TRIO: variants seen among roughly 807,000 people sequenced by gnomAD.
TRIO encodes trio Rho guanine nucleotide exchange factor.
TRIO carries 58 observed loss-of-function variants against 351.9 expected under a neutral mutation model. The observed-to-expected ratio is 0.16, with a 90% confidence interval of 0.13 to 0.21. The LOEUF (loss-of-function observed/expected upper bound fraction) is 0.21, where lower values mean the gene tolerates loss of function less well. Among genes scored for constraint, TRIO ranks in the 10% least tolerant of loss-of-function variants. TRIO has a pLI of 1.00. For synonymous variants in TRIO, 1,758 were observed against 1,595.7 expected (o/e 1.10, Z -2.42); for missense variants, 3,201 against 4,027.8 (o/e 0.79, Z 5.56).
At chr5:14,447,432 G>T (rs1752520943) in intron 34 of TRIO, among the ~76,000 whole-genome samples, 1 of 152,012 alleles carries the variant, frequency 6.6e-6, no homozygotes, top group African/African-American at 2.4e-5. Context: ...TCTGAATCTG[G>T]TATAAATTTT....
intron 11 of TRIO, among the ~76,000 whole-genome samples, chr5:14,339,399 A>G (rs147765309): frequency 7.2e-5 from 11 of 152,346 alleles, no homozygotes; most frequent in African/African-American, 2.6e-4. Flanking sequence ...GTAAAAATAC[A>G]TTTTGTTTTC....
chr5:14,161,032 T>C (rs964559802), intron 1 of TRIO, among the ~76,000 whole-genome samples: 3 of 152,140 alleles, frequency 2.0e-5, no homozygotes, highest in African/African-American at 7.2e-5. Context: ...TGCCTTAGTC[T>C]CCTTGTAACT....
chr5:14,503,225 A>G (rs1167747664), intron 54 of TRIO, among the ~76,000 whole-genome samples: 1 of 152,250 alleles, frequency 6.6e-6, no homozygotes, highest in Non-Finnish European at 1.5e-5. Context: ...TGTGGCAGGA[A>G]GAGCAAGGTC....
chr5:14,150,065 T>A (rs1787737848), intron 1 of TRIO, among the ~76,000 whole-genome samples: 1 of 152,218 alleles, frequency 6.6e-6, no homozygotes, highest in Admixed American at 6.5e-5. Flanking sequence ...CTGGTGCTGC[T>A]CCATTACTGG....
At chr5:14,486,417 C>G (rs1755919840) in intron 47 of TRIO, among the ~76,000 whole-genome samples, 1 of 152,220 alleles carries the variant, frequency 6.6e-6, no homozygotes, top group African/African-American at 2.4e-5. Context: ...TGGGTGTTAA[C>G]TCCAAGTTTC....
intron 1 of TRIO, among the ~76,000 whole-genome samples, chr5:14,228,227 C>A (rs1029914396): frequency 2.0e-5 from 3 of 152,228 alleles, no homozygotes; most frequent in Non-Finnish European, 2.9e-5. Context: ...CAGTGTTCCA[C>A]ACCTGGAGCT....
At chr5:14,483,764 G>C (rs1279181920) in intron 46 of TRIO, among the ~76,000 whole-genome samples, 1 of 152,132 alleles carries the variant, frequency 6.6e-6, no homozygotes, top group Non-Finnish European at 1.5e-5. Context: ...CCACCCGCCT[G>C]CCCCTCCAGA....
intron 1 of TRIO, among the ~76,000 whole-genome samples, chr5:14,159,322 A>G (rs1199942943): frequency 5.9e-5 from 1 of 17,016 alleles, no homozygotes; most frequent in Non-Finnish European, 1.0e-4. Context: ...AATCGCAGTC[A>G]AAAAAAAAAA....
At chr5:14,318,544 G>T (rs925874812) in intron 9 of TRIO, among the ~76,000 whole-genome samples, 1 of 150,886 alleles carries the variant, frequency 6.6e-6, no homozygotes, top group Non-Finnish European at 1.5e-5. Flanking sequence ...TGAGTTCTCT[G>T]AAGGTTACAT....
chr5:14,482,562 C>T lies in TRIO; in HGVS notation c.6466-20C>T. On this transcript the variant is annotated intron_variant, in intron 45 of 56. Transcript: ENST00000344204. ...TGTTTTCTTCTCCCCTTCCTTTTCC[C>T]CCTTTATTTCTTGTTTTAGGGGAAA... is the stretch of plus-strand genomic sequence containing the variant. The T allele has an allele frequency of 7.0e-7, 1 of 1,420,750 alleles. No homozygotes were observed. 88.0% of individuals were successfully genotyped at this position (1,420,750 alleles called of 1,614,324 possible).
Position 14,337,733 on chromosome 5 carries a change from G to T in TRIO, c.2046+1006G>T, listed in dbSNP as rs557245876. On this transcript the variant is annotated intron_variant, in intron 11 of 56. Coordinates refer to ENST00000344204, the MANE Select transcript of TRIO (RefSeq NM_007118.4). ...CCAGCTCTGAGATCTTGGACAGTTA[G>T]TCCTCAGTCGGGTCATTTGTTGCTG... 5.9e-5 allele frequency among the ~76,000 whole-genome samples: 9 copies of T among 152,310 alleles called. No individual in the cohort carries two copies. The South Asian group carries it at 1.9e-3, about 32-fold the overall frequency.
rs748080841 is a variant in TRIO at position 14,488,091 on chromosome 5, C to T, written c.7463C>T (p.Ser2488Phe). 2 of 1,604,418 alleles carry T rather than the reference C, an allele frequency of 1.2e-6. No homozygotes were observed. The highest frequency in any genetic ancestry group is 1.7e-4 in the Middle Eastern group (1 of 5,922). Residue 2488 changes from serine to phenylalanine, a missense_variant, in exon 48 of 57, where the codon TCC becomes TTC. This residue lies in a region of TRIO where 1,089 missense variants were observed against 954.9 expected (regional missense o/e 1.14). Coordinates refer to ENST00000344204, the MANE Select transcript of TRIO (RefSeq NM_007118.4). ...CAGAAGGGGGGCTCCTTCTGGAGCT[C>T]CATCCCCGCCTCCCCCGCCAGCCGA... is the stretch of plus-strand genomic sequence containing the variant. ...PLQKGGSFWS[S>F]IPASPASRPG...
chr5:14,286,818 G>C lies in TRIO; in HGVS notation c.348-53G>C. The stretch of plus-strand genomic sequence containing the variant: ...TGGCACCCAGTGGGACTCTGACCAG[G>C]CAGAGTGGCAAGAGATGTAACCCGT... On this transcript the variant is annotated intron_variant, in intron 3 of 56. Coordinates refer to ENST00000344204, the MANE Select transcript of TRIO (RefSeq NM_007118.4). This position sits in a 1 kb window ranked among gnomAD's most constrained non-coding sequence, Gnocchi z 4.4. 1 of 1,560,014 alleles carries C rather than the reference G, an allele frequency of 6.4e-7. No homozygotes were observed. The highest frequency in any genetic ancestry group is 8.7e-7 in the Non-Finnish European group (1 of 1,149,174).
chr5:14,414,888 A>G (rs1749514712), intron 33 of TRIO, among the ~76,000 whole-genome samples: 1 of 152,214 alleles, frequency 6.6e-6, no homozygotes, highest in Non-Finnish European at 1.5e-5. Context: ...TGCCCTGTGG[A>G]GAAGCTTGGG....
At chr5:14,206,738 C>T (rs550310532) in intron 1 of TRIO, among the ~76,000 whole-genome samples, 1 of 152,304 alleles carries the variant, frequency 6.6e-6, no homozygotes, top group Admixed American at 6.5e-5. Flanking sequence ...ATTTTACAGC[C>T]ACTTCATTAT....
chr5:14,311,577 G>A (rs372945707), intron 8 of TRIO, among the ~76,000 whole-genome samples: 1 of 152,216 alleles, frequency 6.6e-6, no homozygotes, highest in Non-Finnish European at 1.5e-5. Flanking sequence ...AGAAGGGTTC[G>A]ATTGTTTGGC....
chr5:14,174,407 T>A (rs1789284935), intron 1 of TRIO, among the ~76,000 whole-genome samples: 1 of 152,210 alleles, frequency 6.6e-6, no homozygotes, highest in South Asian at 2.1e-4. Context: ...AGTTTGTTTC[T>A]GTTTCCTGTT....
At chr5:14,305,954 T>C (rs760974653) in intron 8 of TRIO, among the ~76,000 whole-genome samples, 1 of 152,378 alleles carries the variant, frequency 6.6e-6, no homozygotes. Context: ...TAACATGCTG[T>C]ACAGGTTTGT....
At chr5:14,180,414 T>C (rs552968721) in intron 1 of TRIO, among the ~76,000 whole-genome samples, 17 of 152,364 alleles carry the variant, frequency 1.1e-4, no homozygotes, top group Non-Finnish European at 1.0e-4. Context: ...GCTGTTAGTA[T>C]TCTTAAATAA....
Sources: allele counts gnomAD v4.1 joint callset (sites outside exome capture counted in the v4.1 genomes callset), GRCh38; gene constraint gnomAD v4.1.1; regional missense constraint gnomAD v4.1.1; non-coding constraint Gnocchi (gnomAD v3.1); transcripts MANE v1.5; gene names NCBI Gene and HGNC (gene_info 2026-07-23, HGNC 2026-07-21).